CAMK1D: variants seen among roughly 807,000 people sequenced by gnomAD.
CAMK1D encodes the protein calcium/calmodulin-dependent protein kinase type 1D.
In CAMK1D, 9 loss-of-function variants were observed where a neutral mutation model predicts 47.7. The ratio of observed to expected loss-of-function variants is 0.19; its 90% confidence interval spans 0.11 to 0.33. CAMK1D has a LOEUF of 0.33. Among genes scored for constraint, CAMK1D ranks in the 10% least tolerant of loss-of-function variants. The pLI is 1.00. For missense variants in CAMK1D, 291 were observed against 488.7 expected (o/e 0.60, Z 3.81); for synonymous variants, 184 against 184.9 (o/e 0.99, Z 0.04).
chr10:12,468,221 A>G (rs1338866414), intron 1 of CAMK1D, among the ~76,000 whole-genome samples: 1 of 151,646 alleles, frequency 6.6e-6, no homozygotes, highest in Non-Finnish European at 1.5e-5. Flanking sequence ...ACATCCAGCT[A>G]TTTTTTTTAT....
chr10:12,539,396 C>T (rs1836090470), intron 1 of CAMK1D, among the ~76,000 whole-genome samples: 2 of 152,078 alleles, frequency 1.3e-5, no homozygotes, highest in Non-Finnish European at 2.9e-5. Flanking sequence ...CAAAAGAGTG[C>T]CTAAAGTCAG....
intron 6 of CAMK1D, among the ~76,000 whole-genome samples, chr10:12,794,981 G>A (rs74118613): frequency 0.046 from 7,014 of 152,224 alleles, 549 homozygotes; most frequent in African/African-American, 0.16. Context: ...ATCTTTCCAT[G>A]TTTCACCCTT....
chr10:12,386,523 G>T (rs1838500115), intron 1 of CAMK1D, among the ~76,000 whole-genome samples: 1 of 152,024 alleles, frequency 6.6e-6, no homozygotes, highest in Non-Finnish European at 1.5e-5. Flanking sequence ...ATAAACTGTG[G>T]CACATCAATA....
chr10:12,706,142 A>G (rs796331071), intron 3 of CAMK1D, among the ~76,000 whole-genome samples: 6 of 152,334 alleles, frequency 3.9e-5, no homozygotes, highest in African/African-American at 1.4e-4. Context: ...ACTAACTGGC[A>G]GGTAGTGTAG....
chr10:12,526,456 G>A lies in CAMK1D; in HGVS notation c.93-26769G>A, dbSNP rs938126866. On this transcript the variant is annotated intron_variant, in intron 1 of 10. Transcript: ENST00000619168. ...TTTTTTTCAACTCTCTTCTCTCTGG[G>A]ATTTCTTTCACACCCTTGATCTCAG... Among the ~76,000 whole-genome samples, 3 of 152,054 alleles carry A rather than the reference G, an allele frequency of 2.0e-5. 1 individual carries two copies. Among genetic ancestry groups the A allele is most frequent in the Admixed American group, 2.0e-4 (3 of 15,260 alleles).
intron 1 of CAMK1D, among the ~76,000 whole-genome samples, chr10:12,520,941 A>C (rs1372849905): frequency 1.6e-4 from 1 of 6,244 alleles, no homozygotes; most frequent in Non-Finnish European, 3.0e-4. Flanking sequence ...GGGGAGAGGG[A>C]GAGGGAGGGG....
chr10:12,360,502 C>T (rs1837627437), intron 1 of CAMK1D, among the ~76,000 whole-genome samples: 1 of 152,134 alleles, frequency 6.6e-6, no homozygotes, highest in Non-Finnish European at 1.5e-5. Flanking sequence ...ACTTCCTTAA[C>T]CTTGAAAGAA....
intron 2 of CAMK1D, among the ~76,000 whole-genome samples, chr10:12,665,354 G>A (rs1386734598): frequency 2.6e-5 from 4 of 152,124 alleles, no homozygotes; most frequent in African/African-American, 4.8e-5. Context: ...AACTTCTTTC[G>A]CGGGGAAGAC....
chr10:12,690,231 T>G (rs2130658218), intron 3 of CAMK1D, among the ~76,000 whole-genome samples: 1 of 152,344 alleles, frequency 6.6e-6, no homozygotes, highest in Admixed American at 6.5e-5. Context: ...GTACTTCCTG[T>G]GCCAGCCATT....
chr10:12,738,784 A>G (rs1012447638), intron 3 of CAMK1D, among the ~76,000 whole-genome samples: 1 of 152,084 alleles, frequency 6.6e-6, no homozygotes, highest in African/African-American at 2.4e-5. Flanking sequence ...GTGAGCTAAG[A>G]TCACACCACT....
chr10:12,718,145 C>T lies in CAMK1D; in HGVS notation c.300-42803C>T, dbSNP rs577424139. Among the ~76,000 whole-genome samples, 5 of 152,232 alleles carry T rather than the reference C, an allele frequency of 3.3e-5. No homozygotes were observed. The South Asian group carries it at 1.0e-3, about 32-fold the overall frequency. On this transcript the variant is annotated intron_variant, in intron 3 of 10. Coordinates refer to ENST00000619168, the MANE Select transcript of CAMK1D (RefSeq NM_153498.4). ...GGCAGGATCCAAAGCTCGTCAAACC[C>T]GTGTGTCATTTCAGCAAGCCGTTGA... is the stretch of plus-strand genomic sequence containing the variant.
rs112032270 is a variant in CAMK1D at position 12,822,221 on chromosome 10, G to C, written c.834-2244G>C. On this transcript the variant is annotated intron_variant, in intron 8 of 10. Transcript: ENST00000619168. ...TTGCAAGTTTCCTAGCTTATCATGAGCATGGGTCACCGTTGTCATTGCGGC... is the reference window on the plus strand; with the variant it reads ...TTGCAAGTTTCCTAGCTTATCATGACCATGGGTCACCGTTGTCATTGCGGC... Among the ~76,000 whole-genome samples, 1,504 of 152,256 alleles carry C rather than the reference G, an allele frequency of 9.9e-3. 18 individuals are homozygous for C. The highest frequency in any genetic ancestry group is 0.015 in the South Asian group (72 of 4,824).
intron 3 of CAMK1D, among the ~76,000 whole-genome samples, chr10:12,708,933 G>A (rs186233314): frequency 1.3e-5 from 2 of 152,050 alleles, no homozygotes; most frequent in East Asian, 2.0e-4. Context: ...GAGCCACCAC[G>A]CCCGACCCGG....
intron 3 of CAMK1D, among the ~76,000 whole-genome samples, chr10:12,736,885 C>G (rs1835214253): frequency 6.6e-6 from 1 of 152,234 alleles, no homozygotes; most frequent in African/African-American, 2.4e-5. Flanking sequence ...CCCGATCACT[C>G]TCTGGCTTTC....
intron 3 of CAMK1D, among the ~76,000 whole-genome samples, chr10:12,707,234 C>T (rs1021230859): frequency 6.6e-6 from 1 of 152,154 alleles, no homozygotes; most frequent in Non-Finnish European, 1.5e-5. Flanking sequence ...AGTTATTCAG[C>T]GTGCCAGTTA....
At chr10:12,734,555 T>C (rs930364484) in intron 3 of CAMK1D, among the ~76,000 whole-genome samples, 4 of 147,752 alleles carry the variant, frequency 2.7e-5, no homozygotes, top group African/African-American at 1.0e-4. Flanking sequence ...TATATGTATA[T>C]ATATACACAT....
intron 6 of CAMK1D, among the ~76,000 whole-genome samples, chr10:12,812,181 G>A (rs1372857190): frequency 6.6e-6 from 1 of 152,240 alleles, no homozygotes; most frequent in African/African-American, 2.4e-5. Context: ...CATTTCTTGT[G>A]TGCTGACAGC....
chr10:12,375,557 C>G (rs960807301), intron 1 of CAMK1D, among the ~76,000 whole-genome samples: 1 of 152,164 alleles, frequency 6.6e-6, no homozygotes, highest in African/African-American at 2.4e-5. Flanking sequence ...AGGATGCTGC[C>G]TTGGTGCTGC....
At chr10:12,394,825 A>G (rs1319264642) in intron 1 of CAMK1D, among the ~76,000 whole-genome samples, 1 of 152,126 alleles carries the variant, frequency 6.6e-6, no homozygotes, top group African/African-American at 2.4e-5. Context: ...CATGAGCAGA[A>G]CTGAGCCTTG....
Sources: allele counts gnomAD v4.1 joint callset (sites outside exome capture counted in the v4.1 genomes callset), GRCh38; gene constraint gnomAD v4.1.1; transcripts MANE v1.5; gene names NCBI Gene and HGNC (gene_info 2026-07-23, HGNC 2026-07-21).